Variants in MTSS1 observed in about 807,000 individuals in gnomAD.
MTSS1 encodes protein MTSS 1.
MTSS1 carries 18 observed loss-of-function variants against 79.0 expected under a neutral mutation model. The ratio of observed to expected loss-of-function variants is 0.23; its 90% confidence interval spans 0.16 to 0.34. MTSS1 has a LOEUF of 0.34. Ranked by LOEUF, MTSS1 falls within the 10% of genes least tolerant of loss-of-function variation. The probability of loss-of-function intolerance (pLI) is 1.00; values close to 1 mark genes in which losing one functional copy is unlikely to be tolerated. For missense variants in MTSS1, 815 were observed against 986.2 expected, an observed-to-expected ratio of 0.83 and a Z score of 2.33; for synonymous variants, 341 against 368.6, an observed-to-expected ratio of 0.93 and a Z score of 0.86.
chr8:124,697,944 G>T (rs886567957), intron 3 of MTSS1: 3 of 152,136 alleles, frequency 2.0e-5, no homozygotes, highest in African/African-American at 7.2e-5. Flanking sequence ...ACCTCCCCTA[G>T]GAAAAACTCC....
chr8:124,643,777 A>G (rs1195339038), intron 3 of MTSS1, among the ~76,000 whole-genome samples: 1 of 152,008 alleles, frequency 6.6e-6, no homozygotes, highest in African/African-American at 2.4e-5. Flanking sequence ...TATATTTAAA[A>G]TAGTATGTAC....
In MTSS1 at chr8:124,551,480, T is replaced by TA. The variant is rs141279535; in HGVS notation, c.*1511dup. On this transcript the variant is annotated 3_prime_UTR_variant, in exon 14 of 14. Coordinates refer to ENST00000518547, the MANE Select transcript of MTSS1 (RefSeq NM_014751.6). ...TCTCACATCCAATGCAGTTATGTGTTAAAGCATAAGATTAGGTAATTGAGG... is the reference window on the plus strand; with the variant it reads ...TCTCACATCCAATGCAGTTATGTGTTAAAAGCATAAGATTAGGTAATTGAGG... The TA allele has an allele frequency of 2.4e-3, 365 of 152,760 alleles. No homozygotes were observed. Among genetic ancestry groups the TA allele is most frequent in the African/African-American group, 8.3e-3 (345 of 41,552 alleles). 9.5% of individuals were successfully genotyped at this position (152,760 alleles called of 1,614,324 possible). A position where few individuals can be genotyped will look rare whatever the true frequency, so the allele number is the denominator to read the frequency against.
chr8:124,611,571 C>T (rs904482001), intron 3 of MTSS1, among the ~76,000 whole-genome samples: 1 of 152,022 alleles, frequency 6.6e-6, no homozygotes, highest in African/African-American at 2.4e-5. Context: ...TCACCACGTC[C>T]CTCAGCTCAC....
chr8:124,605,824 G>A (rs1393806219), intron 3 of MTSS1, among the ~76,000 whole-genome samples: 1 of 152,076 alleles, frequency 6.6e-6, no homozygotes, highest in Non-Finnish European at 1.5e-5. Context: ...AGGTAATCTT[G>A]CAGTTTTTCA....
chr8:124,657,637 C>A (rs557594896), intron 3 of MTSS1, among the ~76,000 whole-genome samples: 2 of 152,122 alleles, frequency 1.3e-5, no homozygotes, highest in African/African-American at 4.8e-5. Flanking sequence ...AAGCCCACTG[C>A]GCATACATCA....
intron 13 of MTSS1, 72 bp downstream of exon 13, chr8:124,555,670 A>G: frequency 2.7e-6 from 4 of 1,455,942 alleles, no homozygotes; most frequent in Non-Finnish European, 3.7e-6. Context: ...GTTAAAATGG[A>G]CCAGCAGTTT....
chr8:124,586,960 C>T (rs1349195030), intron 5 of MTSS1, among the ~76,000 whole-genome samples: 1 of 152,200 alleles, frequency 6.6e-6, no homozygotes, highest in Non-Finnish European at 1.5e-5. Context: ...CTAATGGGCT[C>T]AGCACAACTA....
intron 6 of MTSS1, chr8:124,580,107 TA>T (rs1243220988): frequency 6.3e-6 from 1 of 157,782 alleles, no homozygotes; most frequent in African/African-American, 2.4e-5. Flanking sequence ...AGGACAAAGT[TA>T]AAGATGTTTT....
At chr8:124,657,250 A>C (rs975688011) in intron 3 of MTSS1, among the ~76,000 whole-genome samples, 1 of 152,118 alleles carries the variant, frequency 6.6e-6, no homozygotes, top group Non-Finnish European at 1.5e-5. Flanking sequence ...AGGACACAAA[A>C]AGGGGTTGGG....
chr8:124,695,200 C>T (rs1015773246), intron 3 of MTSS1, among the ~76,000 whole-genome samples: 3 of 152,162 alleles, frequency 2.0e-5, no homozygotes, highest in East Asian at 3.8e-4. Context: ...GAGCTGTTCC[C>T]TTTTGGAAAC....
At chr8:124,612,479 C>G (rs1329369273) in intron 3 of MTSS1, among the ~76,000 whole-genome samples, 1 of 152,000 alleles carries the variant, frequency 6.6e-6, no homozygotes, top group East Asian at 1.9e-4. Flanking sequence ...CCAGTTGTTA[C>G]AAAGCTGAAA....
intron 5 of MTSS1, among the ~76,000 whole-genome samples, chr8:124,588,458 A>G (rs890447600): frequency 6.6e-5 from 10 of 152,202 alleles, no homozygotes; most frequent in African/African-American, 2.4e-4. Context: ...TGAAGGGAAC[A>G]CAAACACTCT....
intron 2 of MTSS1, among the ~76,000 whole-genome samples, chr8:124,702,024 C>T (rs1829775352): frequency 6.6e-6 from 1 of 152,138 alleles, no homozygotes; most frequent in Admixed American, 6.5e-5. Flanking sequence ...AAAATGTATC[C>T]TGTACCAGTA....
intron 3 of MTSS1, among the ~76,000 whole-genome samples, chr8:124,632,976 G>C (rs986459373): frequency 1.3e-5 from 2 of 152,018 alleles, no homozygotes. Context: ...CCTCAATCCT[G>C]CCTTTCACTA....
In MTSS1 at chr8:124,727,825, C is replaced by T; in HGVS notation, c.72+59G>A. 1.4e-6 allele frequency: 2 copies of T among 1,431,244 alleles called. No individual in the cohort carries two copies. The highest frequency in any genetic ancestry group is 1.9e-6 in the Non-Finnish European group (2 of 1,079,830). The allele number at this position is 1,431,244 out of a possible 1,614,324, so 88.7% of individuals were successfully genotyped here. ...TGCCCGGCCCGGGGTGGAGGCGAAG[C>T]GCGGCGGCGAGGTCAGAGCGCGGCG... is the stretch of plus-strand genomic sequence containing the variant. On this transcript the variant is annotated intron_variant, in intron 1 of 13. Transcript: ENST00000518547. This position sits in a 1 kb window ranked among gnomAD's most constrained non-coding sequence, Gnocchi z 4.7.
At chr8:124,599,388 C>T (rs1462773970) in intron 3 of MTSS1, among the ~76,000 whole-genome samples, 1 of 148,590 alleles carries the variant, frequency 6.7e-6, no homozygotes, top group Non-Finnish European at 1.5e-5. Context: ...GAGGCTGAGG[C>T]AGGAGAATCA....
intron 2 of MTSS1, among the ~76,000 whole-genome samples, chr8:124,700,308 G>A (rs1302840617): frequency 6.6e-6 from 1 of 152,112 alleles, no homozygotes; most frequent in Non-Finnish European, 1.5e-5. Context: ...CATCAGTTGG[G>A]GGAAGGAATC....
At chr8:124,709,388 C>T (rs905296475) in intron 1 of MTSS1, among the ~76,000 whole-genome samples, 3 of 152,086 alleles carry the variant, frequency 2.0e-5, no homozygotes, top group Non-Finnish European at 4.4e-5. Flanking sequence ...GAAAACAATT[C>T]AACACAGACC....
Position 124,619,263 on chromosome 8 carries a change from T to A in MTSS1, c.209-28028A>T, listed in dbSNP as rs191891088. 2.0e-5 allele frequency: 3 copies of A among 152,394 alleles called. No individual in the cohort carries two copies. In the East Asian group the frequency reaches 5.8e-4, roughly 29 times the overall value. 9.4% of individuals were successfully genotyped at this position (152,394 alleles called of 1,614,324 possible). Reference sequence around the variant, plus strand: ...GCTTCTGTACACACCGTTCAGCTGCTTACCTCCCAGCTTCTGTACACTCCA... The same window carrying A: ...GCTTCTGTACACACCGTTCAGCTGCATACCTCCCAGCTTCTGTACACTCCA... On this transcript the variant is annotated intron_variant, in intron 3 of 13. Coordinates refer to ENST00000518547, the MANE Select transcript of MTSS1 (RefSeq NM_014751.6).
Sources: gnomAD v4.1 joint callset for allele counts (sites outside exome capture counted in the v4.1 genomes callset) on GRCh38, gnomAD v4.1.1 for gene constraint, Gnocchi (gnomAD v3.1) non-coding constraint, MANE v1.5 for transcripts, NCBI Gene and HGNC (gene_info 2026-07-23, HGNC 2026-07-21) for gene names.